Variants in RYR2 observed in about 807,000 individuals in gnomAD.
RYR2 encodes cardiac muscle ryanodine receptor-calcium release channel.
A neutral mutation model predicts 601.1 loss-of-function variants in RYR2; 227 were observed. The ratio of observed to expected loss-of-function variants is 0.38; its 90% CI spans 0.34 to 0.42. The LOEUF is 0.42. Ranked by LOEUF, RYR2 falls within the 10% of genes least tolerant of loss-of-function variation. The pLI is 1.00. For missense variants in RYR2, 4,646 were observed against 6,156.5 expected (o/e 0.75, Z 8.21); for synonymous variants, 2,223 against 2,175.1 (o/e 1.02, Z -0.61).
intron 2 of RYR2, among the ~76,000 whole-genome samples, chr1:237,304,601 G>C (rs1451288063): frequency 6.6e-6 from 1 of 152,084 alleles, no homozygotes; most frequent in Non-Finnish European, 1.5e-5. Flanking sequence ...TCTGGGTGTG[G>C]GGAGCATGGA....
chr1:237,234,115 G>A (rs973236600), intron 1 of RYR2, among the ~76,000 whole-genome samples: 2 of 152,174 alleles, frequency 1.3e-5, no homozygotes, highest in African/African-American at 4.8e-5. Context: ...AACTCGCATG[G>A]AGTATGTGTT....
At chr1:237,646,647 T>G (rs991258428) in intron 48 of RYR2, among the ~76,000 whole-genome samples, 1 of 152,218 alleles carries the variant, frequency 6.6e-6, no homozygotes, top group Non-Finnish European at 1.5e-5. Context: ...ATCATATTTA[T>G]TTCCAAGCTA....
At chr1:237,248,916 C>A (rs1305111058) in intron 1 of RYR2, among the ~76,000 whole-genome samples, 1 of 152,018 alleles carries the variant, frequency 6.6e-6, no homozygotes, top group Non-Finnish European at 1.5e-5. Flanking sequence ...CATGCGCCAC[C>A]ACGTCCGGCT....
intron 29 of RYR2, among the ~76,000 whole-genome samples, chr1:237,573,906 C>T (rs1482120856): frequency 1.3e-5 from 2 of 152,090 alleles, no homozygotes; most frequent in African/African-American, 4.8e-5. Flanking sequence ...CCTCAGGAAA[C>T]TCATCTGTTA....
chr1:237,094,699 C>T (rs1667329108), intron 1 of RYR2, among the ~76,000 whole-genome samples: 1 of 152,196 alleles, frequency 6.6e-6, no homozygotes, highest in African/African-American at 2.4e-5. Context: ...TCACGCCATT[C>T]TCCTGCCTTA....
intron 56 of RYR2, 35 bp from the exon 57 acceptor site, chr1:237,666,477 T>A (rs2148872411): frequency 6.3e-7 from 1 of 1,578,352 alleles, no homozygotes; most frequent in African/African-American, 1.4e-5. Context: ...ACAAGGTTTT[T>A]AATGAGGCAC....
At position 237,772,110 on chromosome 1, in the gene RYR2, T is replaced by G; in HGVS notation, c.11646+10T>G. 2 of 1,397,256 alleles carry G rather than the reference T, an allele frequency of 1.4e-6. No homozygotes were observed. The highest frequency in any genetic ancestry group is 1.2e-5 in the South Asian group (1 of 80,872). 86.6% of individuals were successfully genotyped at this position (1,397,256 alleles called of 1,614,324 possible). A position where few individuals can be genotyped will look rare whatever the true frequency, so the allele number is the denominator to read the frequency against. The stretch of plus-strand genomic sequence containing the variant: ...CCTACTGAGAGTTCAGGTATGTTGC[T>G]TTCCATATTAGTAACAAATTAAAAG... On this transcript the variant is annotated intron_variant, in intron 86 of 104. Coordinates refer to ENST00000366574, the MANE Select transcript of RYR2 (RefSeq NM_001035.3).
At chr1:237,727,447 T>C (rs1276238110) in intron 76 of RYR2, among the ~76,000 whole-genome samples, 1 of 152,156 alleles carries the variant, frequency 6.6e-6, no homozygotes, top group Non-Finnish European at 1.5e-5. Flanking sequence ...GAGAGAGTCA[T>C]TAGGAGTTCT....
chr1:237,069,435 A>G (rs569864795), intron 1 of RYR2, among the ~76,000 whole-genome samples: 16 of 152,134 alleles, frequency 1.1e-4, no homozygotes, highest in African/African-American at 3.9e-4. Flanking sequence ...TTGGACATTT[A>G]TAGCTTATAC....
At chr1:237,176,734 C>A (rs1324137079) in intron 1 of RYR2, among the ~76,000 whole-genome samples, 2 of 152,080 alleles carry the variant, frequency 1.3e-5, no homozygotes, top group Non-Finnish European at 2.9e-5. Context: ...TTTAACATTT[C>A]AGGTGTTAAA....
intron 1 of RYR2, among the ~76,000 whole-genome samples, chr1:237,197,888 C>T: frequency 6.6e-6 from 1 of 152,116 alleles, no homozygotes; most frequent in South Asian, 2.1e-4. Context: ...AGTTTGCAAG[C>T]TGGTTGTAGC....
intron 11 of RYR2, among the ~76,000 whole-genome samples, chr1:237,421,194 G>A (rs1216658872): frequency 3.9e-5 from 6 of 152,154 alleles, no homozygotes; most frequent in East Asian, 1.9e-4. Context: ...AGCCAAGATC[G>A]CGCCACTGTA....
chr1:237,449,599 C>T (rs936419923), intron 14 of RYR2, among the ~76,000 whole-genome samples: 39 of 150,352 alleles, frequency 2.6e-4, no homozygotes, highest in African/African-American at 9.4e-4. Flanking sequence ...GTATTTTCTT[C>T]AGGTATTGTT....
intron 58 of RYR2, 96 bp downstream of exon 58, chr1:237,668,054 CT>C (rs1558179723): frequency 2.1e-6 from 2 of 950,178 alleles, no homozygotes; most frequent in Non-Finnish European, 3.1e-6. Context: ...CTTATTATAA[CT>C]TTTTAAAATC....
At chr1:237,589,138 G>T (rs981301) in intron 29 of RYR2, among the ~76,000 whole-genome samples, 1 of 151,950 alleles carries the variant, frequency 6.6e-6, no homozygotes, top group African/African-American at 2.4e-5. Flanking sequence ...CATTATAAAT[G>T]TACCTCATTC....
At chr1:237,446,843 T>C (rs544139270) in intron 14 of RYR2, among the ~76,000 whole-genome samples, 1 of 152,346 alleles carries the variant, frequency 6.6e-6, no homozygotes, top group East Asian at 1.9e-4. Flanking sequence ...CAGTATTATT[T>C]GTATTCTTGT....
intron 1 of RYR2, among the ~76,000 whole-genome samples, chr1:237,194,988 C>T (rs1192158004): frequency 6.6e-6 from 1 of 152,032 alleles, no homozygotes; most frequent in Non-Finnish European, 1.5e-5. Context: ...GTGCCTGGCA[C>T]CTATTAGGGC....
At chr1:237,696,540 C>CTT (rs55771611) in intron 63 of RYR2, among the ~76,000 whole-genome samples, 57,281 of 138,448 alleles carry the variant, frequency 0.41, 12,345 homozygotes, top group African/African-American at 0.51. Context: ...GCACTGCAGA[C>CTT]TTTTTTTTTT....
In RYR2 at chr1:237,566,668, G is replaced by C; in HGVS notation, c.3316G>C (p.Glu1106Gln). 6.2e-7 allele frequency: 1 copy of C among 1,613,932 alleles called. No individual in the cohort carries two copies. Among genetic ancestry groups the C allele is most frequent in the Non-Finnish European group, 8.5e-7 (1 of 1,179,864 alleles). Reference sequence around the variant, plus strand: ...GGCCGGACGGTGGTATTTTGAATTTGAGACGGTCACTGCTGGAGACATGAG... The same window carrying C: ...GGCCGGACGGTGGTATTTTGAATTTCAGACGGTCACTGCTGGAGACATGAG... ...VKAGRWYFEF[E>Q]TVTAGDMRVG... is the part of the protein sequence containing the mutation. The change falls in exon 28 of 105, where the codon GAG becomes CAG. Residue 1106 changes from glutamate (E) to glutamine (Q), a missense_variant. By Grantham distance (29) the Glu-to-Gln change is conservative. Around this residue, in one of 17 missense-constraint regions of RYR2, gnomAD observed 1,807 missense variants for 2,088.1 expected, o/e 0.87. Transcript: ENST00000366574.
Sources: allele counts gnomAD v4.1 joint callset (sites outside exome capture counted in the v4.1 genomes callset), GRCh38; gene constraint gnomAD v4.1.1; regional missense constraint gnomAD v4.1.1; transcripts MANE v1.5; gene names NCBI Gene and HGNC (gene_info 2026-07-23, HGNC 2026-07-21).